Variants in DLGAP1 observed in about 807,000 individuals in gnomAD.
DLGAP1 encodes disks large-associated protein 1.
Under a neutral mutation model 90.8 loss-of-function variants are expected in DLGAP1, and 11 were observed. The ratio of observed to expected loss-of-function variants is 0.12; its 90% CI spans 0.08 to 0.20. The LOEUF is 0.20. Ranked by LOEUF, DLGAP1 falls within the 10% of genes least tolerant of loss-of-function variation. The pLI is 1.00. For synonymous variants in DLGAP1, 558 were observed against 540.7 expected, an observed-to-expected ratio of 1.03 and a Z score of -0.44; for missense variants, 1,050 against 1,333.8, an observed-to-expected ratio of 0.79 and a Z score of 3.31.
In DLGAP1 at chr18:3,634,207, T is replaced by C. The variant is rs185701654; in HGVS notation, c.1592-51959A>G. Among the ~76,000 whole-genome samples, 396 of 151,894 alleles carry C rather than the reference T, an allele frequency of 2.6e-3. 2 individuals carry two copies. Among genetic ancestry groups the C allele is most frequent in the African/African-American group, 8.8e-3 (364 of 41,448 alleles). On this transcript the variant is annotated intron_variant, in intron 7 of 12. Transcript: ENST00000315677. ...ACTTTTTTCTTTAAAATAAGTTATC[T>C]TTGAACATCCCCCCCCACTATAAAT...
intron 3 of DLGAP1, among the ~76,000 whole-genome samples, chr18:3,944,768 A>C (rs2072843785): frequency 6.6e-6 from 1 of 152,178 alleles, no homozygotes; most frequent in Non-Finnish European, 1.5e-5. Context: ...CTTTGTTGAG[A>C]GTTCCTTGCT....
At chr18:3,508,028 C>T (rs1319560707) in intron 11 of DLGAP1, among the ~76,000 whole-genome samples, 5 of 152,180 alleles carry the variant, frequency 3.3e-5, no homozygotes, top group South Asian at 2.1e-4. Flanking sequence ...TGAGCCATTG[C>T]GCCCAGCCTG....
At chr18:4,171,426 G>A (rs1193031942) in intron 1 of DLGAP1, among the ~76,000 whole-genome samples, 2 of 151,896 alleles carry the variant, frequency 1.3e-5, no homozygotes, top group East Asian at 1.9e-4. Context: ...TCAGCCAGGC[G>A]AGGTGGCAGG....
intron 2 of DLGAP1, among the ~76,000 whole-genome samples, chr18:4,100,551 C>T (rs2075763836): frequency 1.3e-5 from 2 of 152,184 alleles, no homozygotes; most frequent in Admixed American, 1.3e-4. Flanking sequence ...TTAAAGTCAC[C>T]AGCTGCATTA....
At chr18:3,634,017 A>G (rs1019246558) in intron 7 of DLGAP1, among the ~76,000 whole-genome samples, 6 of 152,220 alleles carry the variant, frequency 3.9e-5, no homozygotes, top group African/African-American at 1.2e-4. Flanking sequence ...GCATATTAGA[A>G]TAATTTTGGT....
intron 1 of DLGAP1, among the ~76,000 whole-genome samples, chr18:4,151,788 A>G (rs2144408089): frequency 6.6e-6 from 1 of 152,294 alleles, no homozygotes; most frequent in South Asian, 2.1e-4. Context: ...AATATTCCCA[A>G]GTGTGCTACT....
chr18:3,842,276 T>C (rs759133922), intron 4 of DLGAP1, among the ~76,000 whole-genome samples: 18 of 151,914 alleles, frequency 1.2e-4, no homozygotes, highest in Non-Finnish European at 2.4e-4. Flanking sequence ...TGTTAGGAAA[T>C]GAGATTGTGA....
chr18:3,853,361 G>T (rs985589512), intron 4 of DLGAP1, among the ~76,000 whole-genome samples: 3 of 151,956 alleles, frequency 2.0e-5, no homozygotes, highest in Non-Finnish European at 4.4e-5. Flanking sequence ...ACGACATTTT[G>T]GTCAATAATG....
intron 2 of DLGAP1, among the ~76,000 whole-genome samples, chr18:4,009,540 G>A (rs972200378): frequency 6.6e-6 from 1 of 152,176 alleles, no homozygotes; most frequent in African/African-American, 2.4e-5. Context: ...CAAGAAGGTG[G>A]GGTGCTTTCC....
intron 1 of DLGAP1, among the ~76,000 whole-genome samples, chr18:4,224,489 AG>A (rs1407888215): frequency 6.6e-6 from 1 of 152,124 alleles, no homozygotes; most frequent in Non-Finnish European, 1.5e-5. Context: ...GGTGAGTTTC[AG>A]GCCTGACCAC....
At chr18:4,006,789 G>A (rs1391872066) in intron 2 of DLGAP1, among the ~76,000 whole-genome samples, 1 of 151,836 alleles carries the variant, frequency 6.6e-6, no homozygotes, top group African/African-American at 2.4e-5. Flanking sequence ...GAGACTACAG[G>A]GACCTACCAC....
intron 5 of DLGAP1, among the ~76,000 whole-genome samples, chr18:3,808,692 C>G (rs770301211): frequency 2.6e-5 from 4 of 152,130 alleles, no homozygotes; most frequent in Non-Finnish European, 5.9e-5. Context: ...TCCCATCCCC[C>G]TCTTTCTCTA....
intron 1 of DLGAP1, among the ~76,000 whole-genome samples, chr18:4,325,224 C>T (rs1363493351): frequency 6.6e-6 from 1 of 152,076 alleles, no homozygotes; most frequent in East Asian, 1.9e-4. Context: ...AACAGCCAAG[C>T]TGAGAGCCAA....
intron 10 of DLGAP1, among the ~76,000 whole-genome samples, chr18:3,524,678 T>C (rs2051485671): frequency 6.6e-6 from 1 of 151,528 alleles, no homozygotes; most frequent in African/African-American, 2.4e-5. Context: ...AACCTAGGAG[T>C]TCAAGACCAG....
intron 2 of DLGAP1, among the ~76,000 whole-genome samples, chr18:4,094,546 TTTTATA>T (rs1447564223): frequency 1.3e-5 from 2 of 151,870 alleles, no homozygotes; most frequent in African/African-American, 2.4e-5. Flanking sequence ...TAAATTCAGT[TTTTATA>T]TTTATATTTT....
chr18:4,026,868 C>A (rs1598262055), intron 2 of DLGAP1, among the ~76,000 whole-genome samples: 1 of 152,096 alleles, frequency 6.6e-6, no homozygotes, highest in Admixed American at 6.5e-5. Context: ...AGGATTGTTC[C>A]TTTCCAAGGT....
At chr18:3,932,874 CAGCATGGA>C (rs758772083) in intron 3 of DLGAP1, among the ~76,000 whole-genome samples, 16 of 152,144 alleles carry the variant, frequency 1.1e-4, no homozygotes, top group Non-Finnish European at 2.1e-4. Flanking sequence ...CTCCTAGATG[CAGCATGGA>C]AGCCAGGTAG....
intron 1 of DLGAP1, among the ~76,000 whole-genome samples, chr18:4,236,675 T>G (rs2078423268): frequency 2.0e-5 from 3 of 151,982 alleles, no homozygotes; most frequent in Admixed American, 2.0e-4. Flanking sequence ...TTCCCCATGT[T>G]GAGCTACTTT....
intron 7 of DLGAP1, among the ~76,000 whole-genome samples, chr18:3,600,343 C>T (rs1454777094): frequency 1.3e-5 from 2 of 151,958 alleles, no homozygotes; most frequent in African/African-American, 2.4e-5. Flanking sequence ...GCAACCTCCA[C>T]CTCCCCGGTT....
Sources: allele counts gnomAD v4.1 joint callset (sites outside exome capture counted in the v4.1 genomes callset), GRCh38; gene constraint gnomAD v4.1.1; transcripts MANE v1.5; gene names NCBI Gene and HGNC (gene_info 2026-07-23, HGNC 2026-07-21).